Variants in STX18 observed in about 807,000 individuals in gnomAD.
The protein encoded by STX18 is syntaxin-18.
Under a neutral mutation model 50.1 loss-of-function variants are expected in STX18, and 40 were observed. That is an observed-to-expected ratio of 0.80 (90% CI 0.62 to 1.04). STX18 has a LOEUF of 1.04. Ranked by LOEUF, STX18 falls within the 50% of genes least tolerant of loss-of-function variation. The pLI, the probability that STX18 is intolerant of heterozygous loss-of-function variation, is 0.00. For missense variants in STX18, 410 were observed against 415.8 expected (o/e 0.99, Z 0.12); for synonymous variants, 158 against 151.8 (o/e 1.04, Z -0.30).
chr4:4,480,600 CA>C (rs1728412920), intron 1 of STX18, among the ~76,000 whole-genome samples: 1 of 152,276 alleles, frequency 6.6e-6, no homozygotes, highest in Admixed American at 6.5e-5. Flanking sequence ...CTGCCTAGCC[CA>C]AAGTGGCTCC....
At chr4:4,436,950 C>CT (rs34174730) in intron 6 of STX18, among the ~76,000 whole-genome samples, 1,713 of 116,674 alleles carry the variant, frequency 0.015, 193 homozygotes, top group Non-Finnish European at 0.025. Context: ...TCCAGACTCA[C>CT]TTTTTTTTTT....
intron 2 of STX18, among the ~76,000 whole-genome samples, chr4:4,467,696 G>A (rs1349242175): frequency 8.5e-6 from 1 of 117,230 alleles, no homozygotes; most frequent in Non-Finnish European, 1.6e-5. Flanking sequence ...GCTTATCAGA[G>A]TACCTAACAC....
At chr4:4,439,852 CAGAG>C (rs1203008765) in intron 5 of STX18, among the ~76,000 whole-genome samples, 4 of 152,132 alleles carry the variant, frequency 2.6e-5, no homozygotes, top group African/African-American at 9.7e-5. Context: ...TTCACCTACT[CAGAG>C]AGGCCACCTC....
At chr4:4,524,251 TTGAA>T (rs1227512968) in intron 1 of STX18, among the ~76,000 whole-genome samples, 1 of 152,194 alleles carries the variant, frequency 6.6e-6, no homozygotes, top group Non-Finnish European at 1.5e-5. Flanking sequence ...GGGCACAATT[TTGAA>T]TGCAATGTAC....
chr4:4,446,585 G>A (rs1254044056), intron 5 of STX18, among the ~76,000 whole-genome samples: 1 of 152,200 alleles, frequency 6.6e-6, no homozygotes, highest in Admixed American at 6.5e-5. Flanking sequence ...GTGAGGAAAT[G>A]CAAACTAAAC....
chr4:4,450,155 C>A (rs764217801), intron 5 of STX18, among the ~76,000 whole-genome samples: 2 of 152,162 alleles, frequency 1.3e-5, no homozygotes. Flanking sequence ...TTCATACACG[C>A]GTATAAATGT....
chr4:4,451,077 G>A (rs1404948696), intron 5 of STX18, among the ~76,000 whole-genome samples: 1 of 152,166 alleles, frequency 6.6e-6, no homozygotes, highest in African/African-American at 2.4e-5. Context: ...GCCAATTTGG[G>A]GGAAAGAAAG....
At position 4,497,117 on chromosome 4, in the gene STX18, C is replaced by T. The variant is rs57755751; in HGVS notation, c.169-25411G>A. ...ATTGGCTCTACTGGCCCACGGTGGA[C>T]ACTGTCCAGGCTCCCCCTCCGGCTC... On this transcript the variant is annotated intron_variant, in intron 1 of 10. Transcript: ENST00000306200. Among the ~76,000 whole-genome samples, 195 of 152,292 alleles carry T rather than the reference C, an allele frequency of 1.3e-3. 1 individual carries two copies. Among genetic ancestry groups the T allele is most frequent in the African/African-American group, 4.5e-3 (186 of 41,560 alleles).
chr4:4,432,197 G>A (rs1725552271), intron 7 of STX18, among the ~76,000 whole-genome samples: 2 of 152,206 alleles, frequency 1.3e-5, no homozygotes, highest in African/African-American at 2.4e-5. Context: ...GGAAAGTCAG[G>A]GCTAATGGTA....
intron 1 of STX18, among the ~76,000 whole-genome samples, chr4:4,526,863 A>T (rs1275919525): frequency 6.6e-6 from 1 of 152,202 alleles, no homozygotes; most frequent in African/African-American, 2.4e-5. Context: ...GTATTTTTTT[A>T]GGACTGAAAT....
At chr4:4,516,451 A>G (rs1730272053) in intron 1 of STX18, among the ~76,000 whole-genome samples, 1 of 152,206 alleles carries the variant, frequency 6.6e-6, no homozygotes, top group South Asian at 2.1e-4. Flanking sequence ...CTGAAGTTGC[A>G]GTTTTGGAGG....
chr4:4,431,938 T>C (rs1046496034), intron 7 of STX18, among the ~76,000 whole-genome samples: 9 of 152,266 alleles, frequency 5.9e-5, no homozygotes, highest in Admixed American at 2.6e-4. Flanking sequence ...GACTATACAA[T>C]GTGCACCTCG....
intron 1 of STX18, among the ~76,000 whole-genome samples, chr4:4,540,418 CTT>C (rs1421078818): frequency 6.6e-6 from 1 of 152,204 alleles, no homozygotes; most frequent in East Asian, 1.9e-4. Context: ...ATTGAACCAA[CTT>C]ATGTCAGACT....
At chr4:4,538,527 G>A (rs1403867105) in intron 1 of STX18, among the ~76,000 whole-genome samples, 1 of 150,056 alleles carries the variant, frequency 6.7e-6, no homozygotes, top group African/African-American at 2.5e-5. Flanking sequence ...ACAGCTTGGT[G>A]CCACTAAAGA....
Position 4,473,393 on chromosome 4 carries a change from C to T in STX18, c.169-1687G>A, listed in dbSNP as rs373173386. On this transcript the variant is annotated intron_variant, in intron 1 of 10. Coordinates refer to ENST00000306200, the MANE Select transcript of STX18 (RefSeq NM_016930.4). ...GTGCAAGCTCCACCTCCCAAGTTCA[C>T]GTCATTCTCCTGCCTCAGCCTCCGG... 3.0e-4 allele frequency among the ~76,000 whole-genome samples: 46 copies of T among 151,070 alleles called. No homozygotes were observed. In the East Asian group the frequency reaches 6.9e-3, roughly 23 times the overall value.
At chr4:4,425,057 G>T in intron 8 of STX18, 107 bp downstream of exon 8, 2 of 1,042,528 alleles carry the variant, frequency 1.9e-6, no homozygotes, top group Non-Finnish European at 3.0e-6. Context: ...GGCTGCACCA[G>T]CCCAAGGGCC....
chr4:4,436,703 G>A lies in STX18; in HGVS notation c.613+1691C>T, dbSNP rs546407812. On this transcript the variant is annotated intron_variant, in intron 6 of 10. Transcript: ENST00000306200. ...TGCCAGTCCTCTGCCCAGGCCACCC[G>A]TGCACCCTGGTGCCACAGAGGCAAG... Among the ~76,000 whole-genome samples, 6 of 152,222 alleles carry A rather than the reference G, an allele frequency of 3.9e-5. No individual in the cohort carries two copies. The East Asian group carries it at 5.8e-4, about 15-fold the overall frequency.
chr4:4,541,780 C>T lies in STX18; in HGVS notation c.168+17G>A. The T allele has an allele frequency of 6.3e-7, 1 of 1,598,864 alleles. No homozygotes were observed. The highest frequency in any genetic ancestry group is 8.5e-7 in the Non-Finnish European group (1 of 1,171,938). Reference sequence around the variant, plus strand: ...TGCCCCCTCCTCAACCCGCCGTTTCCATAGCAACCAGCTCACCACTTCGCG... The same window carrying T: ...TGCCCCCTCCTCAACCCGCCGTTTCTATAGCAACCAGCTCACCACTTCGCG... On this transcript the variant is annotated intron_variant, in intron 1 of 10. Coordinates refer to ENST00000306200, the MANE Select transcript of STX18 (RefSeq NM_016930.4).
intron 7 of STX18, among the ~76,000 whole-genome samples, chr4:4,434,464 G>A (rs985536009): frequency 6.6e-6 from 1 of 152,116 alleles, no homozygotes. Flanking sequence ...CATCATAGTG[G>A]CATTTATAAA....
Sources: gnomAD v4.1 joint callset for allele counts (sites outside exome capture counted in the v4.1 genomes callset) on GRCh38, gnomAD v4.1.1 for gene constraint, MANE v1.5 for transcripts, NCBI Gene and HGNC (gene_info 2026-07-23, HGNC 2026-07-21) for gene names.